The following PDE10A variants were observed in gnomAD, a reference collection of about 807,000 sequenced individuals.
The protein encoded by PDE10A is cAMP and cAMP-inhibited cGMP 3',5'-cyclic phosphodiesterase 10A.
A neutral mutation model predicts 97.7 loss-of-function variants in PDE10A; 39 were observed. The observed-to-expected ratio is 0.40, with a 90% CI of 0.31 to 0.52. The LOEUF is 0.52. Among genes scored for constraint, PDE10A ranks in the 20% least tolerant of loss-of-function variants. The pLI is 0.56. For missense variants in PDE10A, 731 were observed against 1,047.8 expected (o/e 0.70, Z 4.17); for synonymous variants, 371 against 376.8 (o/e 0.98, Z 0.18).
At chr6:165,437,245 T>A (rs575459485) in intron 5 of PDE10A, among the ~76,000 whole-genome samples, 2 of 151,448 alleles carry the variant, frequency 1.3e-5, no homozygotes, top group South Asian at 2.1e-4. Flanking sequence ...CTTTTTTTTT[T>A]ATGACTTAGC....
intron 2 of PDE10A, among the ~76,000 whole-genome samples, chr6:165,490,241 G>C (rs991890320): frequency 1.3e-5 from 2 of 152,168 alleles, no homozygotes; most frequent in African/African-American, 4.8e-5. Flanking sequence ...ACTAACAGCA[G>C]ACTTCTCAGC....
intron 13 of PDE10A, among the ~76,000 whole-genome samples, chr6:165,401,814 A>C (rs1786688158): frequency 6.6e-6 from 1 of 152,268 alleles, no homozygotes; most frequent in Admixed American, 6.5e-5. Flanking sequence ...ACAATCAATA[A>C]AAAATTATTT....
chr6:165,452,755 G>T (rs1222343770), intron 3 of PDE10A, among the ~76,000 whole-genome samples: 7 of 152,160 alleles, frequency 4.6e-5, no homozygotes, highest in African/African-American at 1.7e-4. Context: ...AGGAAGTGGG[G>T]CTGTGGCAAT....
chr6:165,333,077 G>T lies in PDE10A; in HGVS notation c.3116C>A (p.Thr1039Asn). Residue 1039 changes from threonine to asparagine, a missense_variant, in exon 22 of 22, where the codon ACC becomes AAC. Coordinates refer to ENST00000539869, the MANE Select transcript of PDE10A (RefSeq NM_001385079.1). ...EKVIRGEETA[T>N]WISSPSVAQK... ...AGCCACGGATGGGGATGAAATCCAG[G>T]TTGCAGTCTCCTCCCCTCGAATCAC... 2 of 1,613,364 alleles carry T rather than the reference G, an allele frequency of 1.2e-6. No individual in the cohort carries two copies. The highest frequency in any genetic ancestry group is 1.7e-6 in the Non-Finnish European group (2 of 1,179,352).
At chr6:165,429,243 A>G (rs1001486762) in intron 9 of PDE10A, among the ~76,000 whole-genome samples, 2 of 152,082 alleles carry the variant, frequency 1.3e-5, no homozygotes, top group Non-Finnish European at 2.9e-5. Context: ...GTATATATTC[A>G]TTGTTATGAA....
At chr6:165,831,645 C>T (rs964209814) in intron 1 of PDE10A, among the ~76,000 whole-genome samples, 1 of 151,404 alleles carries the variant, frequency 6.6e-6, no homozygotes, top group South Asian at 2.1e-4. Context: ...CCACCACGCC[C>T]GGCTAATTTT....
At chr6:165,896,427 C>T (rs1435942968) in intron 1 of PDE10A, among the ~76,000 whole-genome samples, 1 of 151,146 alleles carries the variant, frequency 6.6e-6, no homozygotes, top group East Asian at 1.9e-4. Context: ...GATCTTGGCT[C>T]ACTACAACCT....
chr6:165,831,823 C>G (rs574883410), intron 1 of PDE10A, among the ~76,000 whole-genome samples: 2 of 152,106 alleles, frequency 1.3e-5, no homozygotes, highest in Admixed American at 1.3e-4. Flanking sequence ...CCACTCTCCC[C>G]CCTGCCTTTT....
At chr6:165,568,175 A>G (rs981627641) in intron 1 of PDE10A, among the ~76,000 whole-genome samples, 2 of 151,498 alleles carry the variant, frequency 1.3e-5, no homozygotes, top group Non-Finnish European at 2.9e-5. Context: ...ATTTTTTTGT[A>G]TTTTTAGTAG....
intron 1 of PDE10A, among the ~76,000 whole-genome samples, chr6:165,792,006 G>A (rs534890519): frequency 6.6e-6 from 1 of 152,310 alleles, no homozygotes; most frequent in South Asian, 2.1e-4. Context: ...AGATGGAATC[G>A]ATCGGCTGGT....
At chr6:165,349,722 C>A (rs978738420) in intron 18 of PDE10A, among the ~76,000 whole-genome samples, 2 of 152,154 alleles carry the variant, frequency 1.3e-5, no homozygotes, top group African/African-American at 2.4e-5. Flanking sequence ...TTTCGTGGGC[C>A]CCCCTGCTCT....
intron 1 of PDE10A, among the ~76,000 whole-genome samples, chr6:165,810,855 A>C (rs1779263120): frequency 6.6e-6 from 1 of 151,726 alleles, no homozygotes; most frequent in Admixed American, 6.6e-5. Context: ...CTTTCCTAAC[A>C]CCACTTTGGG....
chr6:165,778,921 T>A (rs1778270004), intron 1 of PDE10A, among the ~76,000 whole-genome samples: 1 of 152,218 alleles, frequency 6.6e-6, no homozygotes, highest in South Asian at 2.1e-4. Context: ...TAGGTCCAAA[T>A]CCCTTGTTGG....
chr6:165,634,643 C>T (rs542455247), intron 1 of PDE10A, among the ~76,000 whole-genome samples: 128 of 152,264 alleles, frequency 8.4e-4, no homozygotes, highest in African/African-American at 2.9e-3. Context: ...ACAAAACACA[C>T]GCCACAAAAG....
rs1789463469 is a variant in PDE10A, at chr6:165,430,359, T to TACCTACCAA, written c.1543-15_1543-14insTTGGTAGGT. 6.5e-7 allele frequency: 1 copy of TACCTACCAA among 1,527,976 alleles called. No homozygotes were observed. Among genetic ancestry groups the TACCTACCAA allele is most frequent in the African/African-American group, 1.4e-5 (1 of 72,860 alleles). The allele number at this position is 1,527,976 out of a possible 1,614,324, so 94.7% of individuals were successfully genotyped here. On this transcript the variant is annotated splice_polypyrimidine_tract_variant and intron_variant, in intron 8 of 21. Transcript: ENST00000539869. ...GCCTCTGCATACCTACCATATAAAA[T>TACCTACCAA]AATAGGTACAATTACAAGAGATTTC...
intron 1 of PDE10A, among the ~76,000 whole-genome samples, chr6:165,941,344 T>G (rs1783510831): frequency 6.6e-6 from 1 of 152,202 alleles, no homozygotes; most frequent in Admixed American, 6.5e-5. Context: ...CTGTGGCTGT[T>G]AAGGCCTTGT....
chr6:165,696,213 G>A (rs1477347680), intron 1 of PDE10A, among the ~76,000 whole-genome samples: 1 of 152,176 alleles, frequency 6.6e-6, no homozygotes, highest in Non-Finnish European at 1.5e-5. Flanking sequence ...ATCCAGAGCT[G>A]CTACAATATA....
intron 2 of PDE10A, among the ~76,000 whole-genome samples, chr6:165,486,089 T>C (rs1043999402): frequency 6.6e-6 from 1 of 152,186 alleles, no homozygotes; most frequent in African/African-American, 2.4e-5. Flanking sequence ...CAGAGGATAC[T>C]GAGACACAAC....
chr6:165,416,158 C>CA, intron 12 of PDE10A, 31 bp downstream of exon 12: 1 of 1,370,222 alleles, frequency 7.3e-7, no homozygotes, highest in Non-Finnish European at 1.0e-6. Flanking sequence ...CAGAAGAAAT[C>CA]AATGGAGTGT....
Sources: allele counts gnomAD v4.1 joint callset (sites outside exome capture counted in the v4.1 genomes callset), GRCh38; gene constraint gnomAD v4.1.1; transcripts MANE v1.5; gene names NCBI Gene and HGNC (gene_info 2026-07-23, HGNC 2026-07-21).